The following GMDS variants were observed in gnomAD, a reference collection of about 807,000 sequenced individuals.
GMDS encodes the protein GDP-mannose 4,6 dehydratase.
Under a neutral mutation model 49.9 loss-of-function variants are expected in GMDS, and 20 were observed. That is an observed-to-expected ratio of 0.40 (90% confidence interval 0.28 to 0.58). GMDS has a LOEUF of 0.58. GMDS is among the 20% of genes least tolerant of loss of function. The pLI is 0.42. For missense variants in GMDS, 362 were observed against 481.4 expected (o/e 0.75, Z 2.32); for synonymous variants, 177 against 178.6 (o/e 0.99, Z 0.07).
intron 7 of GMDS, among the ~76,000 whole-genome samples, chr6:1,759,219 T>C (rs958132600): frequency 3.9e-5 from 6 of 152,150 alleles, no homozygotes; most frequent in Admixed American, 6.5e-5. Context: ...GGAAGACTGA[T>C]AGGGTGGAGT....
intron 7 of GMDS, among the ~76,000 whole-genome samples, chr6:1,789,993 C>A (rs555764640): frequency 6.6e-6 from 1 of 152,110 alleles, no homozygotes; most frequent in African/African-American, 2.4e-5. Context: ...TCAGTCTTTC[C>A]CCATCTCGTA....
intron 7 of GMDS, among the ~76,000 whole-genome samples, chr6:1,866,303 A>ATTTTATTGT (rs763862119): frequency 2.6e-5 from 4 of 152,228 alleles, no homozygotes; most frequent in Non-Finnish European, 5.9e-5. Flanking sequence ...TGCTGCAGAG[A>ATTTTATTGT]ACAAAGATTT....
intron 4 of GMDS, among the ~76,000 whole-genome samples, chr6:2,080,234 T>C (rs1562036378): frequency 6.6e-6 from 1 of 152,226 alleles, no homozygotes; most frequent in Non-Finnish European, 1.5e-5. Flanking sequence ...GATTTCTATG[T>C]ATTATTTTTC....
chr6:1,915,468 G>A (rs780855187), intron 7 of GMDS, among the ~76,000 whole-genome samples: 5 of 152,242 alleles, frequency 3.3e-5, no homozygotes, highest in Non-Finnish European at 5.9e-5. Flanking sequence ...GCACGGTGCA[G>A]GGCCAGCAGC....
intron 2 of GMDS, among the ~76,000 whole-genome samples, 157 bp from the exon 3 acceptor site, chr6:2,117,713 C>T (rs1290450346): frequency 6.6e-6 from 1 of 152,182 alleles, no homozygotes; most frequent in Non-Finnish European, 1.5e-5. Context: ...CCACTGTCCA[C>T]CAGCTACGAA....
At chr6:1,853,040 T>G (rs1308129865) in intron 7 of GMDS, among the ~76,000 whole-genome samples, 2 of 151,980 alleles carry the variant, frequency 1.3e-5, no homozygotes. Context: ...TTGGAGAATG[T>G]TCTCATTTCT....
intron 4 of GMDS, among the ~76,000 whole-genome samples, chr6:2,017,030 A>G (rs1344972653): frequency 6.6e-6 from 1 of 152,190 alleles, no homozygotes; most frequent in African/African-American, 2.4e-5. Flanking sequence ...AGTAAGCAGA[A>G]GAAAAGAAAT....
At chr6:1,898,847 G>A (rs1027930481) in intron 7 of GMDS, among the ~76,000 whole-genome samples, 7 of 152,178 alleles carry the variant, frequency 4.6e-5, no homozygotes, top group Non-Finnish European at 8.8e-5. Context: ...GTGTGCCAGT[G>A]GCTGGGGATT....
At chr6:1,720,138 A>C (rs942871820) in intron 9 of GMDS, among the ~76,000 whole-genome samples, 3 of 152,216 alleles carry the variant, frequency 2.0e-5, no homozygotes, top group Non-Finnish European at 2.9e-5. Context: ...ATCTGATAAT[A>C]AGAAAAGAAA....
At chr6:2,034,788 A>G (rs1769190840) in intron 4 of GMDS, among the ~76,000 whole-genome samples, 1 of 152,212 alleles carries the variant, frequency 6.6e-6, no homozygotes, top group Non-Finnish European at 1.5e-5. Flanking sequence ...ACACGTATAC[A>G]GTGAAGTTGT....
chr6:2,117,718 T>C (rs1487236108), intron 2 of GMDS, among the ~76,000 whole-genome samples, 162 bp from the exon 3 acceptor site: 1 of 152,210 alleles, frequency 6.6e-6, no homozygotes, highest in Non-Finnish European at 1.5e-5. Context: ...GTCCACCAGC[T>C]ACGAACATCC....
At chr6:2,047,853 G>T (rs996940780) in intron 4 of GMDS, among the ~76,000 whole-genome samples, 45 of 152,212 alleles carry the variant, frequency 3.0e-4, no homozygotes, top group African/African-American at 1.1e-3. Flanking sequence ...TTTTTTAAAT[G>T]CACTGTCACC....
chr6:2,143,686 C>T (rs1776418902), intron 1 of GMDS, among the ~76,000 whole-genome samples: 1 of 152,158 alleles, frequency 6.6e-6, no homozygotes, highest in Admixed American at 6.5e-5. Context: ...ACACTCCCAC[C>T]CCACCTCTTA....
At chr6:2,125,481 C>T (rs970187902) in intron 1 of GMDS, among the ~76,000 whole-genome samples, 1 of 152,066 alleles carries the variant, frequency 6.6e-6, no homozygotes, top group Non-Finnish European at 1.5e-5. Context: ...ATGGTACCAG[C>T]TACTTGGGAA....
intron 9 of GMDS, among the ~76,000 whole-genome samples, chr6:1,641,166 T>C (rs1377659587): frequency 1.3e-5 from 2 of 152,162 alleles, no homozygotes; most frequent in Non-Finnish European, 2.9e-5. Flanking sequence ...TGGACTGGAC[T>C]CATTTTGGGA....
At chr6:1,781,516 G>A (rs1455078199) in intron 7 of GMDS, among the ~76,000 whole-genome samples, 1 of 152,188 alleles carries the variant, frequency 6.6e-6, no homozygotes, top group Non-Finnish European at 1.5e-5. Context: ...GGCCTGATGA[G>A]CTTGAGTGCC....
chr6:1,818,865 G>A (rs1043111749), intron 7 of GMDS, among the ~76,000 whole-genome samples: 1 of 151,988 alleles, frequency 6.6e-6, no homozygotes, highest in Non-Finnish European at 1.5e-5. Flanking sequence ...GTGGCCTTTT[G>A]TTACTTCGCT....
intron 9 of GMDS, among the ~76,000 whole-genome samples, chr6:1,660,532 G>A (rs9502994): frequency 2.6e-5 from 4 of 151,686 alleles, no homozygotes; most frequent in Non-Finnish European, 5.9e-5. Context: ...GGATGTAGGG[G>A]GTCACATGTG....
intron 4 of GMDS, among the ~76,000 whole-genome samples, chr6:2,001,581 C>T (rs1766820616): frequency 6.6e-6 from 1 of 152,070 alleles, no homozygotes; most frequent in African/African-American, 2.4e-5. Context: ...GCAAAGGATC[C>T]AGAATAACCA....
Sources: allele counts gnomAD v4.1 joint callset (sites outside exome capture counted in the v4.1 genomes callset), GRCh38; gene constraint gnomAD v4.1.1; transcripts MANE v1.5; gene names NCBI Gene and HGNC (gene_info 2026-07-23, HGNC 2026-07-21).